Variants in THEMIS2 observed in about 807,000 individuals in gnomAD.
THEMIS2 encodes thymocyte selection associated family member 2.
THEMIS2 carries 29 observed loss-of-function variants against 46.8 expected under a neutral mutation model. That is an observed-to-expected ratio of 0.62 (90% CI 0.46 to 0.84). The LOEUF (loss-of-function observed/expected upper bound fraction) is 0.84. Among genes scored for constraint, THEMIS2 ranks in the 40% least tolerant of loss-of-function variants. THEMIS2 has a pLI of 0.00. For synonymous variants in THEMIS2, 335 were observed against 349.1 expected (o/e 0.96, Z 0.45); for missense variants, 698 against 834.7 (o/e 0.84, Z 2.02).
chr1:27,876,004 C>T (rs1010979086), intron 1 of THEMIS2, among the ~76,000 whole-genome samples: 4 of 152,030 alleles, frequency 2.6e-5, no homozygotes, highest in Non-Finnish European at 4.4e-5. Context: ...GCCCAACCCT[C>T]ACTTACACAC....
chr1:27,874,033 G>GTTTTTTTTTTTTTTTTTTTTTTT lies in THEMIS2; in HGVS notation c.94+1385_94+1386insTTTTTTTTTTTTTTTTTTTTTTT, dbSNP rs1256524975. Among the ~76,000 whole-genome samples the GTTTTTTTTTTTTTTTTTTTTTTT allele has an allele frequency of 2.1e-5, 2 of 97,164 alleles. 1 individual carries two copies. Among genetic ancestry groups the GTTTTTTTTTTTTTTTTTTTTTTT allele is most frequent in the Non-Finnish European group, 3.6e-5 (2 of 55,490 alleles). 63.7% of individuals were successfully genotyped at this position (97,164 alleles called of 152,430 possible). A position where few individuals can be genotyped will look rare whatever the true frequency, so the allele number is the denominator to read the frequency against. The stretch of plus-strand genomic sequence containing the variant: ...GGCAAACACCCTGGGTTCAACCTAG[G>GTTTTTTTTTTTTTTTTTTTTTTT]TTTTTTTTTTTTTTTTTGAGACAGA... On this transcript the variant is annotated intron_variant, in intron 1 of 5. Transcript: ENST00000373921.
At position 27,886,114 on chromosome 1, in the gene THEMIS2, G is replaced by A; in HGVS notation, c.*192G>A. 2 of 596,652 alleles carry A rather than the reference G, an allele frequency of 3.4e-6. No homozygotes were observed. The highest frequency in any genetic ancestry group is 5.9e-6 in the Non-Finnish European group (2 of 337,784). The allele number at this position is 596,652 out of a possible 1,614,324, so 37.0% of individuals were successfully genotyped here. On this transcript the variant is annotated 3_prime_UTR_variant, in exon 6 of 6. Transcript: ENST00000373921. ...AGGTTCTAGATTCTTGCTACTTAGG[G>A]CGGGCTGGTTTGGACCTAACATCTC... is the stretch of plus-strand genomic sequence containing the variant.
At chr1:27,883,083 T>C in intron 4 of THEMIS2, 40 bp downstream of exon 4, 5 of 1,509,546 alleles carry the variant, frequency 3.3e-6, no homozygotes, top group Non-Finnish European at 4.5e-6. Context: ...GGGTCACCTA[T>C]TGGGATCACT....
In THEMIS2 at chr1:27,879,935, G is replaced by A. The variant is rs768698160; in HGVS notation, c.527G>A (p.Arg176Gln). 69 of 1,610,792 alleles carry A rather than the reference G, an allele frequency of 4.3e-5. No homozygotes were observed. The highest frequency in any genetic ancestry group is 5.4e-5 in the Non-Finnish European group (64 of 1,178,722). The part of the protein sequence containing the change: ...PFWTWEPSAP[R>Q]TLLQVLQDPA... Reference sequence around the variant, plus strand: ...TGGACATGGGAGCCTAGTGCCCCTCGAACTCTGCTCCAGGTCCTACAGGAT... The same window carrying A: ...TGGACATGGGAGCCTAGTGCCCCTCAAACTCTGCTCCAGGTCCTACAGGAT... Residue 176 changes from arginine to glutamine, a missense_variant, in exon 3 of 6, where the codon CGA becomes CAA. Arg to Gln is a conservative substitution (Grantham distance 43). Coordinates refer to ENST00000373921, the MANE Select transcript of THEMIS2 (RefSeq NM_001105556.3).
Position 27,882,016 on chromosome 1 carries a change from T to C in THEMIS2, c.692T>C (p.Val231Ala). The stretch of plus-strand genomic sequence containing the variant: ...ATCCCTTCTACCCTGGAGGTCGACG[T>C]GGAGGACGTCACCGCCTCCTCCCGG... ...VKIPSTLEVD[V>A]EDVTASSRHV... The change falls in exon 4 of 6, where the codon GTG becomes GCG. Residue 231 changes from valine (V) to alanine (A), a missense_variant. Physicochemically the swap from Val to Ala is moderately conservative, Grantham distance 64. Transcript: ENST00000373921. This position sits in a 1 kb window ranked among gnomAD's most constrained non-coding sequence, Gnocchi z 7.6. 1.2e-6 allele frequency: 2 copies of C among 1,614,148 alleles called. No individual in the cohort carries two copies. The highest frequency in any genetic ancestry group is 1.7e-6 in the Non-Finnish European group (2 of 1,180,024).
chr1:27,885,904 A>G lies in THEMIS2; in HGVS notation c.1914A>G (p.Gln638=). 1 of 1,614,036 alleles carries G rather than the reference A, an allele frequency of 6.2e-7. No individual in the cohort carries two copies. The highest frequency in any genetic ancestry group is 8.5e-7 in the Non-Finnish European group (1 of 1,179,984). The change falls in exon 6 of 6, where the codon CAA becomes CAG. Residue 638 remains glutamine (Q), a synonymous_variant. Coordinates refer to ENST00000373921, the MANE Select transcript of THEMIS2 (RefSeq NM_001105556.3). ...ATGATTATGAAGAAATACTTGAGCA[A>G]TTTCAGAAAACCATCTAAGTGCTGG... ...DEHDYEEILE[Q]FQKTI
chr1:27,886,617 C>T lies in THEMIS2; in HGVS notation c.*695C>T, dbSNP rs1330542524. 4 of 152,178 alleles carry T rather than the reference C, an allele frequency of 2.6e-5. No individual in the cohort carries two copies. The highest frequency in any genetic ancestry group is 9.6e-5 in the African/African-American group (4 of 41,452). The allele number at this position is 152,178 out of a possible 1,614,324, so 9.4% of individuals were successfully genotyped here. Reference sequence around the variant, plus strand: ...TTAAAGTCGTCAAAGTTGTAAGTGACTAACCAAGATTATTTCATTTTAAAA... The same window carrying T: ...TTAAAGTCGTCAAAGTTGTAAGTGATTAACCAAGATTATTTCATTTTAAAA... On this transcript the variant is annotated 3_prime_UTR_variant, in exon 6 of 6. Transcript: ENST00000373921.
At chr1:27,881,889 C>T (rs554480216) in intron 3 of THEMIS2, 82 bp from the exon 4 acceptor site, 26 of 1,164,526 alleles carry the variant, frequency 2.2e-5, no homozygotes, top group East Asian at 1.2e-4. Flanking sequence ...GGAGGCCAGC[C>T]GGCCCAGCCA....
chr1:27,879,741 C>T lies in THEMIS2; in HGVS notation c.333C>T (p.Phe111=). 1.2e-6 allele frequency: 2 copies of T among 1,614,160 alleles called. No individual in the cohort carries two copies. Among genetic ancestry groups the T allele is most frequent in the Non-Finnish European group, 1.7e-6 (2 of 1,180,022 alleles). Residue 111 remains phenylalanine, a synonymous_variant, in exon 3 of 6, where the codon TTC becomes TTT. Coordinates refer to ENST00000373921, the MANE Select transcript of THEMIS2 (RefSeq NM_001105556.3). ...TQSSKQLPTC[F]MSTHRIVTEG... ...GCTCCAAGCAGCTGCCCACTTGCTT[C>T]ATGTCGACCCACAGGATTGTCACAG...
At position 27,876,619 on chromosome 1, in the gene THEMIS2, CTG is replaced by C; in HGVS notation, c.127_128del (p.Cys43ProfsTer20). On this transcript the variant is annotated frameshift_variant, in exon 2 of 6. Transcript: ENST00000373921. LOFTEE classifies it high-confidence loss of function. ...TCTATGAGATCTCTGGGAATGAGTGCTGCCTCTCCACGGGGGACCTGATCAAG... is the reference window on the plus strand; with the variant it reads ...TCTATGAGATCTCTGGGAATGAGTGCCCTCTCCACGGGGGACCTGATCAAG... ...SIYEISGNEC[C>X]LSTGDLIKVT... 1 of 1,614,012 alleles carries C rather than the reference CTG, an allele frequency of 6.2e-7. No homozygotes were observed. Among genetic ancestry groups the C allele is most frequent in the Non-Finnish European group, 8.5e-7 (1 of 1,179,980 alleles).
intron 3 of THEMIS2, among the ~76,000 whole-genome samples, chr1:27,880,831 T>A (rs1053370840): frequency 5.3e-5 from 8 of 151,902 alleles, no homozygotes; most frequent in African/African-American, 1.9e-4. Flanking sequence ...CAGGCTGGAG[T>A]ACAATGGTTG....
In THEMIS2 at chr1:27,886,019, A is replaced by T; in HGVS notation, c.*97A>T. 8.5e-7 allele frequency: 1 copy of T among 1,173,678 alleles called. No individual in the cohort carries two copies. Among genetic ancestry groups the T allele is most frequent in the Non-Finnish European group, 1.3e-6 (1 of 789,640 alleles). The allele number at this position is 1,173,678 out of a possible 1,614,324, so 72.7% of individuals were successfully genotyped here. A position where few individuals can be genotyped will look rare whatever the true frequency, so the allele number is the denominator to read the frequency against. ...CTAAAAGACCTCGGGCAAGTCTCAC[A>T]GAAACTGAGCTGCAGACGGGGAGTA... On this transcript the variant is annotated 3_prime_UTR_variant, in exon 6 of 6. Transcript: ENST00000373921.
In THEMIS2 at chr1:27,872,861, T is replaced by C. The variant is rs917345575; in HGVS notation, c.94+196T>C. Among the ~76,000 whole-genome samples, 2 of 152,200 alleles carry C rather than the reference T, an allele frequency of 1.3e-5. No individual in the cohort carries two copies. Among genetic ancestry groups the C allele is most frequent in the Non-Finnish European group, 2.9e-5 (2 of 68,022 alleles). ...TTTGCTTTCGTGGAACGGGGACCGC[T>C]GACCTGCCCCGCAGGGTAGTGATGA... is the stretch of plus-strand genomic sequence containing the variant. On this transcript the variant is annotated intron_variant, in intron 1 of 5. Coordinates refer to ENST00000373921, the MANE Select transcript of THEMIS2 (RefSeq NM_001105556.3). The surrounding 1 kb of genome is among the most constrained non-coding windows in gnomAD (Gnocchi z 4.9).
At chr1:27,877,688 G>T (rs1475414432) in intron 2 of THEMIS2, among the ~76,000 whole-genome samples, 1 of 152,184 alleles carries the variant, frequency 6.6e-6, no homozygotes, top group Non-Finnish European at 1.5e-5. Context: ...CCTGAAGCCA[G>T]TGGCCTGGAA....
chr1:27,881,933 G>T, intron 3 of THEMIS2, 38 bp from the exon 4 acceptor site: 1 of 1,521,508 alleles, frequency 6.6e-7, no homozygotes. Flanking sequence ...CCACTCCTGG[G>T]GTGGCATGCA....
In THEMIS2 at chr1:27,872,984, G is replaced by A. The variant is rs1336961280; in HGVS notation, c.94+319G>A. 6.6e-6 allele frequency among the ~76,000 whole-genome samples: 1 copy of A among 152,176 alleles called. No homozygotes were observed. The highest frequency in any genetic ancestry group is 1.5e-5 in the Non-Finnish European group (1 of 68,022). On this transcript the variant is annotated intron_variant, in intron 1 of 5. Transcript: ENST00000373921. This position sits in a 1 kb window ranked among gnomAD's most constrained non-coding sequence, Gnocchi z 4.9. ...GACAGAGCTCCGACCGCGCCGGGAC[G>A]CAGCATTAGGCCGCTGGTGGTCGTG... is the stretch of plus-strand genomic sequence containing the variant.
intron 1 of THEMIS2, among the ~76,000 whole-genome samples, chr1:27,873,304 G>A (rs557001902): frequency 1.5e-4 from 23 of 152,284 alleles, no homozygotes; most frequent in African/African-American, 5.1e-4. Flanking sequence ...ACTAGTCATT[G>A]CCTGAAGGAG....
At chr1:27,881,913 G>T in intron 3 of THEMIS2, 58 bp from the exon 4 acceptor site, 1 of 1,425,822 alleles carries the variant, frequency 7.0e-7, no homozygotes, top group Non-Finnish European at 9.6e-7. Context: ...CTCTATGCCT[G>T]GGGTGGGGGC....
chr1:27,880,869 C>G (rs147579882), intron 3 of THEMIS2, among the ~76,000 whole-genome samples: 1,666 of 152,014 alleles, frequency 0.011, 32 homozygotes, highest in African/African-American at 0.037. Flanking sequence ...CCTCCATCTC[C>G]CAGGTTCAAG....
Sources: allele counts gnomAD v4.1 joint callset (sites outside exome capture counted in the v4.1 genomes callset), GRCh38; gene constraint gnomAD v4.1.1; non-coding constraint Gnocchi (gnomAD v3.1); transcripts MANE v1.5; gene names NCBI Gene and HGNC (gene_info 2026-07-23, HGNC 2026-07-21).